Variants in FAM222A observed in about 807,000 individuals in gnomAD.
The protein encoded by FAM222A is protein FAM222A.
In FAM222A, 7 loss-of-function variants were observed where a neutral mutation model predicts 25.8. The ratio of observed to expected loss-of-function variants is 0.27; its 90% CI spans 0.15 to 0.51. The LOEUF is 0.51. Among genes scored for constraint, FAM222A ranks in the 20% least tolerant of loss-of-function variants. FAM222A has a pLI of 0.97. For synonymous variants in FAM222A, 294 were observed against 298.8 expected, an observed-to-expected ratio of 0.98 and a Z score of 0.17; for missense variants, 573 against 640.5, an observed-to-expected ratio of 0.89 and a Z score of 1.14.
At chr12:109,717,580 G>A (rs576903673) in intron 1 of FAM222A, among the ~76,000 whole-genome samples, 22 of 152,288 alleles carry the variant, frequency 1.4e-4, no homozygotes, top group African/African-American at 5.3e-4. Flanking sequence ...GATGTGTGTG[G>A]GCCCTCGTGC....
chr12:109,742,528 CTG>C (rs1888272548), intron 1 of FAM222A, among the ~76,000 whole-genome samples: 3 of 151,964 alleles, frequency 2.0e-5, no homozygotes, highest in African/African-American at 4.8e-5. Context: ...TATTGCGTCT[CTG>C]TGTTAAGGCT....
At chr12:109,753,301 G>C (rs947879313) in intron 2 of FAM222A, among the ~76,000 whole-genome samples, 19 of 152,154 alleles carry the variant, frequency 1.2e-4, no homozygotes, top group Admixed American at 1.2e-3. Context: ...TGGCCTCTCT[G>C]TGCCCCACAC....
Position 109,768,846 on chromosome 12 carries a change from G to T in FAM222A, c.917G>T (p.Ser306Ile). 2.5e-6 allele frequency: 4 copies of T among 1,581,136 alleles called. No individual in the cohort carries two copies. Among genetic ancestry groups the T allele is most frequent in the Non-Finnish European group, 3.4e-6 (4 of 1,170,646 alleles). Residue 306 changes from serine to isoleucine, a missense_variant, in exon 3 of 3, where the codon AGC (serine) becomes ATC (isoleucine). Coordinates refer to ENST00000538780, the MANE Select transcript of FAM222A (RefSeq NM_032829.3). ...CAGCCACTGCGTGCCTACAGTGGGA[G>T]CACGGTGGCCAGCAAGTCCCCTGAG... ...PPQPLRAYSG[S>I]TVASKSPEAC...
At chr12:109,765,304 A>G (rs1323907231) in intron 2 of FAM222A, among the ~76,000 whole-genome samples, 7 of 152,066 alleles carry the variant, frequency 4.6e-5, no homozygotes, top group Non-Finnish European at 5.9e-5. Context: ...TGCCAGTAGC[A>G]CCTCTACCCC....
chr12:109,728,931 T>C (rs1448409150), intron 1 of FAM222A, among the ~76,000 whole-genome samples: 2 of 151,116 alleles, frequency 1.3e-5, no homozygotes, highest in African/African-American at 4.9e-5. Flanking sequence ...AACTCTGCCA[T>C]CTCCTTTCAG....
At chr12:109,747,845 A>G (rs942416456) in intron 2 of FAM222A, among the ~76,000 whole-genome samples, 1 of 152,230 alleles carries the variant, frequency 6.6e-6, no homozygotes, top group East Asian at 1.9e-4. Context: ...TTATACTATC[A>G]TATGATTTAC....
chr12:109,757,114 G>A (rs1280073600), intron 2 of FAM222A, among the ~76,000 whole-genome samples: 2 of 152,154 alleles, frequency 1.3e-5, no homozygotes, highest in African/African-American at 4.8e-5. Context: ...ATGAAACTCT[G>A]ACAAAAGAGG....
At chr12:109,734,442 T>C (rs1181299661) in intron 1 of FAM222A, 1 of 151,932 alleles carries the variant, frequency 6.6e-6, no homozygotes, top group Non-Finnish European at 1.5e-5. Flanking sequence ...TTCCTGTGGC[T>C]CCTGGATTTC....
chr12:109,723,694 G>T (rs770910709), intron 1 of FAM222A, among the ~76,000 whole-genome samples: 1 of 152,232 alleles, frequency 6.6e-6, no homozygotes, highest in Non-Finnish European at 1.5e-5. Context: ...GAGGGAGCTG[G>T]CAGGGCTGCT....
chr12:109,768,218 G>A lies in FAM222A; in HGVS notation c.289G>A (p.Ala97Thr), dbSNP rs750419547. The stretch of plus-strand genomic sequence containing the variant: ...CTACAGCCCCTACCCACAGCACACC[G>A]CTGGCTACCAGGGCCTTCTGGCCAT... ...QRYSPYPQHT[A>T]GYQGLLAIVK... Residue 97 changes from alanine (A) to threonine (T), a missense_variant, in exon 3 of 3, where the codon GCT becomes ACT. Physicochemically the swap from Ala to Thr is moderately conservative, Grantham distance 58 (BLOSUM62 0). This residue lies in a region of FAM222A where 112 missense variants were observed against 154.6 expected (regional missense o/e 0.72). Transcript: ENST00000538780. 6.8e-6 allele frequency: 11 copies of A among 1,612,128 alleles called. No homozygotes were observed. Among genetic ancestry groups the A allele is most frequent in the African/African-American group, 1.3e-5 (1 of 74,882 alleles).
chr12:109,744,026 A>T (rs958873707), intron 1 of FAM222A, 75 bp from the exon 2 acceptor site: 1 of 1,442,364 alleles, frequency 6.9e-7, no homozygotes, highest in Non-Finnish European at 9.1e-7. Flanking sequence ...TTGCAGGGAG[A>T]CTCCCGGGGG....
At chr12:109,746,475 T>A (rs534085151) in intron 2 of FAM222A, among the ~76,000 whole-genome samples, 32 of 151,770 alleles carry the variant, frequency 2.1e-4, no homozygotes, top group African/African-American at 7.5e-4. Flanking sequence ...GGCAACAGAG[T>A]GAGACTTGGT....
At chr12:109,733,003 C>CA in intron 1 of FAM222A, among the ~76,000 whole-genome samples, 1 of 152,184 alleles carries the variant, frequency 6.6e-6, no homozygotes, top group East Asian at 1.9e-4. Context: ...GGTGATGGGA[C>CA]AATGGCCAGG....
At chr12:109,753,146 C>CT (rs973114767) in intron 2 of FAM222A, among the ~76,000 whole-genome samples, 1 of 152,148 alleles carries the variant, frequency 6.6e-6, no homozygotes, top group Non-Finnish European at 1.5e-5. Flanking sequence ...AGAGAGGCAC[C>CT]GTGGGGGCCT....
chr12:109,750,401 C>T (rs182527752), intron 2 of FAM222A, among the ~76,000 whole-genome samples: 2 of 152,282 alleles, frequency 1.3e-5, no homozygotes, highest in South Asian at 2.1e-4. Context: ...CACAGTGGCT[C>T]ACGCCTGCAG....
At chr12:109,741,611 G>A (rs1888242309) in intron 1 of FAM222A, among the ~76,000 whole-genome samples, 1 of 152,202 alleles carries the variant, frequency 6.6e-6, no homozygotes, top group African/African-American at 2.4e-5. Context: ...AGGGACATTA[G>A]GGCACCTAGA....
Position 109,714,680 on chromosome 12 carries a change from T to C in FAM222A, c.-264T>C, listed in dbSNP as rs1887608455. On this transcript the variant is annotated 5_prime_UTR_variant, in exon 1 of 3. Transcript: ENST00000538780. This position sits in a 1 kb window ranked among gnomAD's most constrained non-coding sequence, Gnocchi z 4.2. Reference sequence around the variant, plus strand: ...CCCCGTCCGGGGCGGGCGTGACCCCTGCTGAACGGAGACCTCCCCTCCCCC... The same window carrying C: ...CCCCGTCCGGGGCGGGCGTGACCCCCGCTGAACGGAGACCTCCCCTCCCCC... 1 of 151,938 alleles carries C rather than the reference T, an allele frequency of 6.6e-6. No homozygotes were observed. The highest frequency in any genetic ancestry group is 1.5e-5 in the Non-Finnish European group (1 of 67,960). 9.4% of individuals were successfully genotyped at this position (151,938 alleles called of 1,614,324 possible).
chr12:109,761,256 T>C (rs1272693587), intron 2 of FAM222A, among the ~76,000 whole-genome samples: 2 of 151,894 alleles, frequency 1.3e-5, no homozygotes, highest in African/African-American at 4.8e-5. Context: ...CAGGCCTCTG[T>C]GCTCTTCCCA....
intron 2 of FAM222A, among the ~76,000 whole-genome samples, chr12:109,750,453 G>T (rs886334106): frequency 6.6e-6 from 1 of 152,210 alleles, no homozygotes; most frequent in Non-Finnish European, 1.5e-5. Context: ...ATCACTTGAA[G>T]CCAGGAGTTT....
Sources: allele counts gnomAD v4.1 joint callset (sites outside exome capture counted in the v4.1 genomes callset), GRCh38; gene constraint gnomAD v4.1.1; regional missense constraint gnomAD v4.1.1; non-coding constraint Gnocchi (gnomAD v3.1); transcripts MANE v1.5; gene names NCBI Gene and HGNC (gene_info 2026-07-23, HGNC 2026-07-21).